Variants in ANK1 observed in about 807,000 individuals in gnomAD.
ANK1 encodes ankyrin 1, also known as ankyrin-1.
In ANK1, 51 loss-of-function variants were observed where a neutral mutation model predicts 210.4. That is an observed-to-expected ratio of 0.24 (90% CI 0.19 to 0.31). The LOEUF is 0.31. Ranked by LOEUF, ANK1 falls within the 10% of genes least tolerant of loss-of-function variation. The pLI, the probability that ANK1 is intolerant of heterozygous loss-of-function variation, is 1.00. For missense variants in ANK1, 2,051 were observed against 2,504.4 expected (o/e 0.82, Z 3.86); for synonymous variants, 967 against 1,025.9 (o/e 0.94, Z 1.10).
At chr8:41,734,580 T>C (rs1381703578) in intron 2 of ANK1, among the ~76,000 whole-genome samples, 15 of 152,254 alleles carry the variant, frequency 9.9e-5, no homozygotes, top group African/African-American at 3.4e-4. Context: ...ATTTCCTCAA[T>C]AGAAAAATCA....
intron 1 of ANK1, among the ~76,000 whole-genome samples, chr8:41,820,238 C>G (rs546328164): frequency 6.6e-6 from 1 of 151,894 alleles, no homozygotes; most frequent in Non-Finnish European, 1.5e-5. Flanking sequence ...TTGCTTACTG[C>G]AGCCTCAAAC....
intron 1 of ANK1, among the ~76,000 whole-genome samples, chr8:41,851,552 G>A (rs2355641): frequency 0.38 from 57,276 of 152,106 alleles, 13,476 homozygotes; most frequent in East Asian, 0.83. Flanking sequence ...TCACACCTAA[G>A]TATTAAAAGC....
chr8:41,717,211 G>A (rs1203402002), intron 12 of ANK1, among the ~76,000 whole-genome samples, 160 bp from the exon 13 acceptor site: 2 of 152,190 alleles, frequency 1.3e-5, no homozygotes, highest in East Asian at 3.8e-4. Context: ...GTGTGCATGT[G>A]TGCATGAGCA....
chr8:41,684,754 GA>G, intron 36 of ANK1, 64 bp from the exon 37 acceptor site: 1 of 1,562,562 alleles, frequency 6.4e-7, no homozygotes. Context: ...CATGGGCTCA[GA>G]AAATGGGGCC....
chr8:41,770,123 A>G (rs1401873135), intron 1 of ANK1, among the ~76,000 whole-genome samples: 1 of 151,696 alleles, frequency 6.6e-6, no homozygotes, highest in Non-Finnish European at 1.5e-5. Flanking sequence ...CTGGGATTAC[A>G]GGCATGCACC....
intron 1 of ANK1, among the ~76,000 whole-genome samples, chr8:41,890,725 A>AAG (rs397774485): frequency 4.0e-5 from 6 of 151,044 alleles, no homozygotes; most frequent in Admixed American, 2.0e-4. Flanking sequence ...AAAAAAAAAA[A>AAG]GAAAAAAGAA....
At chr8:41,849,763 T>C (rs1810852593) in intron 1 of ANK1, among the ~76,000 whole-genome samples, 1 of 152,238 alleles carries the variant, frequency 6.6e-6, no homozygotes, top group Admixed American at 6.5e-5. Context: ...CTACGTGATC[T>C]CTCAGCTCCT....
At chr8:41,711,641 T>C (rs757828708) in intron 16 of ANK1, among the ~76,000 whole-genome samples, 1 of 152,224 alleles carries the variant, frequency 6.6e-6, no homozygotes, top group Non-Finnish European at 1.5e-5. Context: ...CTTTAACCAA[T>C]TGCAAATTAA....
At chr8:41,892,307 G>A (rs1169401427) in intron 1 of ANK1, among the ~76,000 whole-genome samples, 3 of 151,942 alleles carry the variant, frequency 2.0e-5, no homozygotes, top group African/African-American at 7.3e-5. Flanking sequence ...CTGTCCAGGA[G>A]CAGGGCCTCC....
At chr8:41,880,557 C>T (rs938072765) in intron 1 of ANK1, among the ~76,000 whole-genome samples, 4 of 152,188 alleles carry the variant, frequency 2.6e-5, no homozygotes, top group East Asian at 3.9e-4. Flanking sequence ...CCTGTCCCAC[C>T]GATATGTCCT....
rs1482255941 is a variant in ANK1 at position 41,688,508 on chromosome 8, T to C, written c.4183+3A>G. On this transcript the variant is annotated splice_donor_region_variant and intron_variant, in intron 34 of 42. Coordinates refer to ENST00000289734, the MANE Select transcript of ANK1 (RefSeq NM_000037.4). ...AGCATGCATCATCACACAGAGGCCG[T>C]ACCTGGTGTGGACTCACTGAGAATG... 3 of 1,613,724 alleles carry C rather than the reference T, an allele frequency of 1.9e-6. No individual in the cohort carries two copies. The highest frequency in any genetic ancestry group is 2.5e-6 in the Non-Finnish European group (3 of 1,179,708).
intron 36 of ANK1, 84 bp downstream of exon 36, chr8:41,686,068 G>C: frequency 5.6e-6 from 9 of 1,599,108 alleles, no homozygotes; most frequent in Non-Finnish European, 7.7e-6. Context: ...CCAGAGGCCA[G>C]TGTCATGAAT....
At chr8:41,774,764 G>A (rs528621914) in intron 1 of ANK1, among the ~76,000 whole-genome samples, 16 of 152,234 alleles carry the variant, frequency 1.1e-4, no homozygotes, top group African/African-American at 1.4e-4. Context: ...GGCCCACGCC[G>A]CAGAGCATGC....
chr8:41,870,495 C>T (rs542185629), intron 1 of ANK1, among the ~76,000 whole-genome samples: 2 of 152,274 alleles, frequency 1.3e-5, no homozygotes, highest in African/African-American at 4.8e-5. Flanking sequence ...GCCCCTGTGA[C>T]TGGGGATGTT....
intron 1 of ANK1, among the ~76,000 whole-genome samples, chr8:41,775,492 T>C (rs1843826604): frequency 6.6e-6 from 1 of 152,168 alleles, no homozygotes; most frequent in Non-Finnish European, 1.5e-5. Context: ...GAAGGCCCCG[T>C]CCACACCCTC....
At chr8:41,668,627 A>G in intron 38 of ANK1, 63 bp from the exon 39 acceptor site, 8 of 1,518,808 alleles carry the variant, frequency 5.3e-6, no homozygotes, top group Non-Finnish European at 7.2e-6. Context: ...CTGGTCACCC[A>G]TCAGTCTCAT....
At chr8:41,691,756 G>T (rs565596934) in intron 31 of ANK1, among the ~76,000 whole-genome samples, 1 of 152,336 alleles carries the variant, frequency 6.6e-6, no homozygotes. Context: ...CCATTGGCAA[G>T]TTACTTAACC....
chr8:41,878,423 A>G (rs538604289), intron 1 of ANK1, among the ~76,000 whole-genome samples: 1 of 152,318 alleles, frequency 6.6e-6, no homozygotes, highest in East Asian at 1.9e-4. Flanking sequence ...CTCACCAGAA[A>G]CCACATGGAA....
rs371620258 is a variant in ANK1 at position 41,725,860 on chromosome 8, C to T, written c.513G>A (p.Lys171=). The change falls in exon 6 of 43, where the codon AAG becomes AAA. Residue 171 remains lysine (K), a synonymous_variant. Coordinates refer to ENST00000289734, the MANE Select transcript of ANK1 (RefSeq NM_000037.4). ...AHLINYGTKG[K]VRLPALHIAA... is the part of the protein sequence containing the mutation. ...CGATGTGCAGGGCCGGGAGGCGCAC[C>T]TTCCCCTTGGTGCCGTAGTTGATGA... 5 of 1,612,578 alleles carry T rather than the reference C, an allele frequency of 3.1e-6. No homozygotes were observed. The highest frequency in any genetic ancestry group is 3.4e-6 in the Non-Finnish European group (4 of 1,179,714).
Sources: allele counts gnomAD v4.1 joint callset (sites outside exome capture counted in the v4.1 genomes callset), GRCh38; gene constraint gnomAD v4.1.1; transcripts MANE v1.5; gene names NCBI Gene and HGNC (gene_info 2026-07-23, HGNC 2026-07-21).